Variants in PTN observed in about 807,000 individuals in gnomAD.
PTN encodes the protein pleiotrophin.
PTN carries 18 observed loss-of-function variants against 24.1 expected under a neutral mutation model. The observed-to-expected ratio is 0.75, with a 90% CI of 0.52 to 1.11. PTN has a LOEUF of 1.11. PTN is among the 50% of genes least tolerant of loss of function. PTN has a pLI of 0.00. For missense variants in PTN, 163 were observed against 198.8 expected (o/e 0.82, Z 1.08); for synonymous variants, 78 against 68.6 (o/e 1.14, Z -0.67).
Position 137,304,876 on chromosome 7 carries a change from G to A in PTN, c.-2+38563C>T, listed in dbSNP as rs543837112. Among the ~76,000 whole-genome samples, 646 of 152,026 alleles carry A rather than the reference G, an allele frequency of 4.2e-3. 2 individuals carry two copies. The highest frequency in any genetic ancestry group is 0.012 in the South Asian group (59 of 4,814). ...GAAAAAAGGCATTTGCTAAGAGTTG[G>A]GAACTAAGGACTCCCATAAAGTCCA... On this transcript the variant is annotated intron_variant, in intron 1 of 4. Transcript: ENST00000348225.
rs550825556 is a variant in PTN, at chr7:137,251,631, A to G, written c.290-240T>C. On this transcript the variant is annotated intron_variant, in intron 3 of 4. Transcript: ENST00000348225. ...TTAATACACACTAATATACACTATT[A>G]ATATACAGTCCCAATACAACAGTGG... 9.2e-5 allele frequency among the ~76,000 whole-genome samples: 14 copies of G among 152,148 alleles called. No homozygotes were observed. In the South Asian group the frequency reaches 1.7e-3, roughly 18 times the overall value.
intron 1 of PTN, among the ~76,000 whole-genome samples, chr7:137,307,213 T>C (rs530173056): frequency 6.6e-6 from 1 of 152,178 alleles, no homozygotes; most frequent in East Asian, 1.9e-4. Context: ...TTCTTGTCCC[T>C]CCTCATTGAC....
At chr7:137,324,433 A>AAAAAAAAAAAAAATATAT in intron 1 of PTN, among the ~76,000 whole-genome samples, 4 of 88,800 alleles carry the variant, frequency 4.5e-5, no homozygotes, top group African/African-American at 2.1e-4. Flanking sequence ...AAAAAAAAAA[A>AAAAAAAAAAAAAATATAT]ATATATATAT....
chr7:137,337,812 G>T (rs1471477351), intron 1 of PTN, among the ~76,000 whole-genome samples: 2 of 152,198 alleles, frequency 1.3e-5, no homozygotes, highest in Admixed American at 6.6e-5. Flanking sequence ...GCACCAGGTT[G>T]TTTGGTAAGG....
intron 1 of PTN, among the ~76,000 whole-genome samples, chr7:137,314,102 AT>A (rs1810029296): frequency 6.6e-6 from 1 of 152,162 alleles, no homozygotes; most frequent in African/African-American, 2.4e-5. Context: ...GGACTAGAAA[AT>A]CTCAGTAGAA....
chr7:137,230,093 T>C (rs534578474), intron 4 of PTN, among the ~76,000 whole-genome samples: 3 of 151,924 alleles, frequency 2.0e-5, no homozygotes, highest in South Asian at 2.1e-4. Flanking sequence ...TTGGCTAACA[T>C]GTTCCTATTT....
intron 1 of PTN, among the ~76,000 whole-genome samples, chr7:137,256,715 T>C (rs1243580912): frequency 6.6e-6 from 1 of 152,148 alleles, no homozygotes; most frequent in Non-Finnish European, 1.5e-5. Flanking sequence ...GTATTTCTGG[T>C]TCTAGATCCT....
intron 4 of PTN, among the ~76,000 whole-genome samples, chr7:137,243,351 G>T (rs1367819783): frequency 6.6e-6 from 1 of 152,166 alleles, no homozygotes. Flanking sequence ...TAATTCCAGT[G>T]AGGAGAGACC....
intron 1 of PTN, among the ~76,000 whole-genome samples, chr7:137,285,628 C>T (rs1214679096): frequency 6.6e-6 from 1 of 152,100 alleles, no homozygotes; most frequent in East Asian, 1.9e-4. Context: ...CGAGACAGCA[C>T]CATTGCACTC....
At position 137,251,395 on chromosome 7, in the gene PTN, A is replaced by T. The variant is rs746726555; in HGVS notation, c.290-4T>A. ...TGGAACTGGTATTTGCACTCCGCTAAAGGCAGGGTAGAACCAAACAGAAAT... is the reference window on the plus strand; with the variant it reads ...TGGAACTGGTATTTGCACTCCGCTATAGGCAGGGTAGAACCAAACAGAAAT... On this transcript the variant is annotated splice_polypyrimidine_tract_variant and splice_region_variant and intron_variant, in intron 3 of 4. Coordinates refer to ENST00000348225, the MANE Select transcript of PTN (RefSeq NM_002825.7). 6.2e-7 allele frequency: 1 copy of T among 1,613,874 alleles called. No homozygotes were observed. The highest frequency in any genetic ancestry group is 8.5e-7 in the Non-Finnish European group (1 of 1,179,812).
intron 1 of PTN, among the ~76,000 whole-genome samples, chr7:137,274,510 C>T (rs1809329147): frequency 6.6e-6 from 1 of 152,046 alleles, no homozygotes; most frequent in Non-Finnish European, 1.5e-5. Context: ...TGTCCCTCCC[C>T]TAGGCCCCCA....
At chr7:137,255,833 G>T (rs989508451) in intron 1 of PTN, among the ~76,000 whole-genome samples, 2 of 152,182 alleles carry the variant, frequency 1.3e-5, no homozygotes, top group East Asian at 3.8e-4. Flanking sequence ...GCTCCAGGAC[G>T]ACCCACTTCC....
chr7:137,273,292 C>A (rs935206792), intron 1 of PTN, among the ~76,000 whole-genome samples: 11 of 152,228 alleles, frequency 7.2e-5, no homozygotes, highest in Admixed American at 2.0e-4. Flanking sequence ...ACTTACACAT[C>A]TCTGTTCCCT....
intron 1 of PTN, among the ~76,000 whole-genome samples, chr7:137,278,574 TAGAG>T (rs1025399018): frequency 6.6e-6 from 1 of 152,098 alleles, no homozygotes; most frequent in Non-Finnish European, 1.5e-5. Context: ...ATTTTATAAT[TAGAG>T]AGGCTTATAT....
At chr7:137,249,652 G>A (rs1253322094) in intron 4 of PTN, among the ~76,000 whole-genome samples, 6 of 152,068 alleles carry the variant, frequency 3.9e-5, no homozygotes, top group Admixed American at 3.9e-4. Context: ...TGCCATTTTT[G>A]GAAATGTTTC....
intron 1 of PTN, among the ~76,000 whole-genome samples, chr7:137,261,429 A>AT (rs1809036011): frequency 6.6e-6 from 1 of 152,200 alleles, no homozygotes; most frequent in Non-Finnish European, 1.5e-5. Context: ...CCAATTATGA[A>AT]TTTTAAAAGC....
intron 1 of PTN, among the ~76,000 whole-genome samples, chr7:137,324,433 A>AAAAAAAAAAAATATATATATAT: frequency 4.8e-4 from 43 of 88,746 alleles, no homozygotes; most frequent in African/African-American, 2.8e-3. Flanking sequence ...AAAAAAAAAA[A>AAAAAAAAAAAATATATATATAT]ATATATATAT....
chr7:137,241,662 G>T (rs1232691100), intron 4 of PTN, among the ~76,000 whole-genome samples: 1 of 152,096 alleles, frequency 6.6e-6, no homozygotes, highest in African/African-American at 2.4e-5. Flanking sequence ...ACTAAGAAAA[G>T]GATAGAGTTA....
chr7:137,290,159 GTC>G (rs1809617509), intron 1 of PTN, among the ~76,000 whole-genome samples: 1 of 152,092 alleles, frequency 6.6e-6, no homozygotes, highest in Admixed American at 6.6e-5. Flanking sequence ...TTTTAAAACT[GTC>G]AGATCTCAGG....
Sources: allele counts gnomAD v4.1 joint callset (sites outside exome capture counted in the v4.1 genomes callset), GRCh38; gene constraint gnomAD v4.1.1; transcripts MANE v1.5; gene names NCBI Gene and HGNC (gene_info 2026-07-23, HGNC 2026-07-21).